CFAP47: variants seen among roughly 807,000 people sequenced by gnomAD.
CFAP47 encodes cilia- and flagella-associated protein 47.
Under a neutral mutation model 148.1 loss-of-function variants are expected in CFAP47, and 29 were observed. The ratio of observed to expected loss-of-function variants is 0.20; its 90% CI spans 0.15 to 0.27. The LOEUF is 0.27. Among genes scored for constraint, CFAP47 ranks in the 10% least tolerant of loss-of-function variants. The probability of loss-of-function intolerance (pLI) is 1.00; values close to 1 mark genes in which losing one functional copy is unlikely to be tolerated. For synonymous variants in CFAP47, 664 were observed against 577.3 expected, an observed-to-expected ratio of 1.15 and a Z score of -2.15; for missense variants, 1,872 against 1,697.5, an observed-to-expected ratio of 1.10 and a Z score of -1.81.
intron 57 of CFAP47, 144 bp from the exon 58 acceptor site, chrX:36,347,985 T>C: frequency 3.6e-6 from 1 of 274,017 alleles, no homozygotes; most frequent in East Asian, 6.5e-5. Flanking sequence ...AGCGAACTTA[T>C]AATTTTGCAT....
chrX:36,067,241 A>T (rs1194966553), intron 27 of CFAP47, among the ~76,000 whole-genome samples: 3 of 111,509 alleles, frequency 2.7e-5, no homozygotes, highest in African/African-American at 9.8e-5. Flanking sequence ...GTTTCCTCTC[A>T]GAGATTCAGG....
At chrX:36,145,688 T>G (rs12396551) in intron 36 of CFAP47, among the ~76,000 whole-genome samples, 10,823 of 110,946 alleles carry the variant, frequency 0.098, 1,063 homozygotes, top group African/African-American at 0.3. Flanking sequence ...TCTTTTATGT[T>G]TGTCTCTCTT....
chrX:36,288,912 C>A (rs1448322008), intron 51 of CFAP47, among the ~76,000 whole-genome samples: 1 of 106,884 alleles, frequency 9.4e-6, no homozygotes, highest in Non-Finnish European at 1.9e-5. Context: ...AGTTGCCAAC[C>A]ATTTTTAAAA....
chrX:36,069,964 A>G (rs1240060538), intron 27 of CFAP47, among the ~76,000 whole-genome samples: 1 of 112,000 alleles, frequency 8.9e-6, no homozygotes, highest in African/African-American at 3.2e-5. Flanking sequence ...TCCACTGGGA[A>G]CTTTTTATCA....
At chrX:36,256,553 G>A (rs1940754854) in intron 49 of CFAP47, among the ~76,000 whole-genome samples, 4 of 111,406 alleles carry the variant, frequency 3.6e-5, no homozygotes, top group Admixed American at 1.9e-4. Context: ...ACTTTTCTGA[G>A]CTCTGTATGA....
intron 51 of CFAP47, among the ~76,000 whole-genome samples, chrX:36,297,709 AG>A (rs1941256346): frequency 8.9e-6 from 1 of 111,971 alleles, no homozygotes; most frequent in Non-Finnish European, 1.9e-5. Context: ...CAAGAACAGA[AG>A]GAAGAAATCT....
At chrX:36,284,903 T>C (rs782140850) in intron 50 of CFAP47, among the ~76,000 whole-genome samples, 1 of 111,302 alleles carries the variant, frequency 9.0e-6, no homozygotes, top group African/African-American at 3.3e-5. Context: ...AATGGGAAGC[T>C]GAACAGAGAG....
Position 36,353,026 on chromosome X carries a change from C to T in CFAP47, c.8699-503C>T, listed in dbSNP as rs139884564. Among the ~76,000 whole-genome samples the T allele has an allele frequency of 8.7e-3, 958 of 109,592 alleles. 14 individuals carry two copies. The highest frequency in any genetic ancestry group is 0.03 in the African/African-American group (904 of 30,353). ...ATGAATTTCATGGTACATGTAAAAA[C>T]GTAATGAATCTAATAGGAAATATTT... On this transcript the variant is annotated intron_variant, in intron 59 of 63. Coordinates refer to ENST00000378653, the MANE Select transcript of CFAP47 (RefSeq NM_001304548.2).
At chrX:36,065,306 C>T (rs949081485) in intron 26 of CFAP47, among the ~76,000 whole-genome samples, 1 of 110,804 alleles carries the variant, frequency 9.0e-6, no homozygotes, top group African/African-American at 3.3e-5. Context: ...GGCTACATAC[C>T]ATTTGTCAGG....
At chrX:35,994,730 T>G (rs936674097) in intron 18 of CFAP47, among the ~76,000 whole-genome samples, 4 of 111,542 alleles carry the variant, frequency 3.6e-5, no homozygotes, top group African/African-American at 1.3e-4. Context: ...TTTACTAAAC[T>G]TAATTCTCAC....
intron 26 of CFAP47, among the ~76,000 whole-genome samples, chrX:36,052,724 C>T (rs1937526036): frequency 8.9e-6 from 1 of 112,250 alleles, no homozygotes; most frequent in South Asian, 3.6e-4. Context: ...TACTTACTCT[C>T]ATTGACAATC....
chrX:36,347,527 A>G (rs1035024768), intron 57 of CFAP47, among the ~76,000 whole-genome samples: 3 of 112,064 alleles, frequency 2.7e-5, no homozygotes, highest in Non-Finnish European at 5.6e-5. Context: ...CTTGGAACCA[A>G]CCCAAATGTC....
intron 46 of CFAP47, among the ~76,000 whole-genome samples, chrX:36,232,587 A>G (rs1489291720): frequency 5.1e-4 from 57 of 111,137 alleles, no homozygotes; most frequent in Non-Finnish European, 8.1e-4. Context: ...TTAATTTTTT[A>G]AAGGGTTTTT....
intron 1 of CFAP47, among the ~76,000 whole-genome samples, chrX:35,921,898 A>T (rs1414956977): frequency 8.9e-6 from 1 of 111,833 alleles, no homozygotes; most frequent in Non-Finnish European, 1.9e-5. Flanking sequence ...CTTGTTTTTC[A>T]CCCAGACTCA....
At chrX:36,345,427 C>T (rs1556016395) in intron 57 of CFAP47, among the ~76,000 whole-genome samples, 2 of 110,883 alleles carry the variant, frequency 1.8e-5, no homozygotes, top group African/African-American at 6.6e-5. Context: ...CTCACATGTG[C>T]AGTTCACAAC....
chrX:36,265,509 C>G (rs1183091899), intron 49 of CFAP47, among the ~76,000 whole-genome samples: 1 of 111,758 alleles, frequency 8.9e-6, no homozygotes, highest in African/African-American at 3.3e-5. Flanking sequence ...ATTTCCAGCT[C>G]TTGCCCATTC....
At chrX:36,303,019 G>C (rs1941312619) in intron 53 of CFAP47, among the ~76,000 whole-genome samples, 1 of 111,379 alleles carries the variant, frequency 9.0e-6, no homozygotes, top group African/African-American at 3.3e-5. Context: ...AGCTTCCTAG[G>C]GTTGCCATTA....
At position 36,286,332 on chromosome X, in the gene CFAP47, T is replaced by G. The variant is rs782663080; in HGVS notation, c.7686+606T>G. The stretch of plus-strand genomic sequence containing the variant: ...AGTACTCAAATATTTAAATTGATAA[T>G]AATAAATGTTATTTTTATTTTTAAA... On this transcript the variant is annotated intron_variant, in intron 51 of 63. Coordinates refer to ENST00000378653, the MANE Select transcript of CFAP47 (RefSeq NM_001304548.2). Among the ~76,000 whole-genome samples the G allele has an allele frequency of 2.7e-5, 3 of 110,974 alleles. No individual in the cohort carries two copies. In the East Asian group the frequency reaches 8.4e-4, roughly 31 times the overall value.
chrX:36,070,496 CTTTT>C (rs34621358), intron 27 of CFAP47, among the ~76,000 whole-genome samples: 1 of 91,205 alleles, frequency 1.1e-5, no homozygotes. Flanking sequence ...TTTTCTTTTC[CTTTT>C]TTTTTTTTTT....
Sources: gnomAD v4.1 joint callset for allele counts (sites outside exome capture counted in the v4.1 genomes callset) on GRCh38, gnomAD v4.1.1 for gene constraint, MANE v1.5 for transcripts, NCBI Gene and HGNC (gene_info 2026-07-23, HGNC 2026-07-21) for gene names.